FOXP1: variants seen among roughly 807,000 people sequenced by gnomAD.
FOXP1 encodes the protein forkhead box P1, also known as forkhead box protein P1.
Under a neutral mutation model 98.2 loss-of-function variants are expected in FOXP1, and 15 were observed. The observed-to-expected ratio is 0.15, with a 90% CI of 0.10 to 0.24. FOXP1 has a LOEUF of 0.24. Among genes scored for constraint, FOXP1 ranks in the 10% least tolerant of loss-of-function variants. The pLI, the probability that FOXP1 is intolerant of heterozygous loss-of-function variation, is 1.00. For missense variants in FOXP1, 633 were observed against 848.5 expected (o/e 0.75, Z 3.15); for synonymous variants, 371 against 314.5 (o/e 1.18, Z -1.90).
Position 71,095,661 on chromosome 3 carries a change from A to G in FOXP1, c.282+16875T>C, listed in dbSNP as rs145371185. Among the ~76,000 whole-genome samples, 48 of 152,156 alleles carry G rather than the reference A, an allele frequency of 3.2e-4. No homozygotes were observed. In the East Asian group the frequency reaches 8.3e-3, roughly 26 times the overall value. The stretch of plus-strand genomic sequence containing the variant: ...GGCTGCTGAATGAGGTATGCCCTAA[A>G]CTCCTAGAGACCAGGTGTGACACTG... On this transcript the variant is annotated intron_variant, in intron 7 of 20. Transcript: ENST00000649528.
At chr3:71,333,389 C>G (rs1300605532) in intron 4 of FOXP1, 1 of 101,496 alleles carries the variant, frequency 9.9e-6, no homozygotes, top group Non-Finnish European at 2.4e-5. Flanking sequence ...AAATTCTATA[C>G]AAAGTGATAA....
intron 6 of FOXP1, among the ~76,000 whole-genome samples, chr3:71,188,425 T>C (rs946040241): frequency 4.0e-5 from 6 of 151,662 alleles, no homozygotes; most frequent in Non-Finnish European, 8.8e-5. Flanking sequence ...TTTCCTTTTT[T>C]TTTTTTGAGA....
At chr3:71,437,375 C>CCAGCCT (rs2085467757) in intron 3 of FOXP1, among the ~76,000 whole-genome samples, 1 of 152,122 alleles carries the variant, frequency 6.6e-6, no homozygotes, top group African/African-American at 2.4e-5. Flanking sequence ...CCACTGCACT[C>CCAGCCT]CAGCCTGAGT....
At chr3:71,248,740 CA>C (rs34053081) in intron 5 of FOXP1, among the ~76,000 whole-genome samples, 1,768 of 138,366 alleles carry the variant, frequency 0.013, 22 homozygotes, top group Middle Eastern at 0.031. Context: ...GACGTCATCT[CA>C]AAAAAAAAAA....
chr3:71,062,043 A>C (rs1446537726), intron 7 of FOXP1, among the ~76,000 whole-genome samples: 1 of 152,210 alleles, frequency 6.6e-6, no homozygotes, highest in African/African-American at 2.4e-5. Context: ...AGAACTGGTC[A>C]GTGTCATAAA....
intron 12 of FOXP1, among the ~76,000 whole-genome samples, chr3:71,015,229 T>C (rs778592285): frequency 1.3e-5 from 2 of 152,040 alleles, no homozygotes; most frequent in Non-Finnish European, 2.9e-5. Context: ...TGTAAGGACA[T>C]GAATAAAAGT....
chr3:71,280,000 G>A (rs1194791319), intron 5 of FOXP1, among the ~76,000 whole-genome samples: 1 of 151,788 alleles, frequency 6.6e-6, no homozygotes, highest in Non-Finnish European at 1.5e-5. Context: ...ATGGGCGCCT[G>A]TAGTCCCAGC....
At chr3:71,284,757 T>C (rs9876763) in intron 5 of FOXP1, among the ~76,000 whole-genome samples, 4,125 of 151,658 alleles carry the variant, frequency 0.027, 198 homozygotes, top group African/African-American at 0.094. Context: ...CATCATGAAA[T>C]ACTAAATTAA....
chr3:71,244,775 A>G (rs1167159843), intron 5 of FOXP1: 2 of 152,068 alleles, frequency 1.3e-5, no homozygotes, highest in South Asian at 2.1e-4. Flanking sequence ...GACCTCCGCA[A>G]TATTTCTTTA....
intron 3 of FOXP1, among the ~76,000 whole-genome samples, chr3:71,433,763 G>A (rs1283499278): frequency 2.6e-5 from 4 of 152,104 alleles, no homozygotes; most frequent in African/African-American, 7.2e-5. Flanking sequence ...AATCCCCCAC[G>A]TGAGTTTTCT....
intron 5 of FOXP1, among the ~76,000 whole-genome samples, chr3:71,255,714 T>C (rs143502739): frequency 6.6e-6 from 1 of 152,318 alleles, no homozygotes; most frequent in East Asian, 1.9e-4. Flanking sequence ...TTATGATGAG[T>C]AATCCTTGGA....
At chr3:70,988,249 G>T (rs2107496591) in intron 13 of FOXP1, among the ~76,000 whole-genome samples, 172 bp from the exon 14 acceptor site, 1 of 152,300 alleles carries the variant, frequency 6.6e-6, no homozygotes, top group East Asian at 1.9e-4. Context: ...AGTAACCGGA[G>T]GTGTTGGTGT....
At chr3:71,240,835 G>A (rs1297176364) in intron 5 of FOXP1, among the ~76,000 whole-genome samples, 1 of 151,804 alleles carries the variant, frequency 6.6e-6, no homozygotes, top group Non-Finnish European at 1.5e-5. Flanking sequence ...GTGAGCCACA[G>A]CGCCTGGCCA....
At chr3:71,290,781 G>T (rs2072665554) in intron 5 of FOXP1, among the ~76,000 whole-genome samples, 1 of 152,108 alleles carries the variant, frequency 6.6e-6, no homozygotes, top group African/African-American at 2.4e-5. Context: ...ACACTCAAAG[G>T]AAATGCTCAC....
chr3:71,234,038 C>T (rs1467802306), intron 5 of FOXP1, among the ~76,000 whole-genome samples: 1 of 152,106 alleles, frequency 6.6e-6, no homozygotes, highest in African/African-American at 2.4e-5. Flanking sequence ...GTGGTGCAAA[C>T]TTACTTCCAG....
At chr3:71,398,386 A>G (rs1412192752) in intron 3 of FOXP1, among the ~76,000 whole-genome samples, 1 of 152,236 alleles carries the variant, frequency 6.6e-6, no homozygotes, top group East Asian at 1.9e-4. Flanking sequence ...AAGATATTTC[A>G]GTTCTTGCTA....
At chr3:71,367,100 A>T (rs563671512) in intron 3 of FOXP1, among the ~76,000 whole-genome samples, 8 of 152,276 alleles carry the variant, frequency 5.3e-5, no homozygotes, top group Non-Finnish European at 2.9e-5. Context: ...TTTCATAAAT[A>T]TTTACCCCAA....
chr3:71,146,192 C>T (rs986061956), intron 6 of FOXP1, among the ~76,000 whole-genome samples: 18 of 152,140 alleles, frequency 1.2e-4, no homozygotes, highest in Admixed American at 3.9e-4. Flanking sequence ...AATGATGCCA[C>T]GTAAAGGTGA....
intron 3 of FOXP1, among the ~76,000 whole-genome samples, chr3:71,404,120 C>A (rs13073244): frequency 4.6e-4 from 29 of 62,714 alleles, no homozygotes; most frequent in African/African-American, 1.8e-3. Context: ...TTTTCTTTTT[C>A]TTTTTTTTTT....
Sources: allele counts gnomAD v4.1 joint callset (sites outside exome capture counted in the v4.1 genomes callset), GRCh38; gene constraint gnomAD v4.1.1; transcripts MANE v1.5; gene names NCBI Gene and HGNC (gene_info 2026-07-23, HGNC 2026-07-21).